Variants in USP34 observed in about 807,000 individuals in gnomAD.
The protein encoded by USP34 is ubiquitin specific peptidase 34.
A neutral mutation model predicts 460.3 loss-of-function variants in USP34; 70 were observed. The observed-to-expected ratio is 0.15, with a 90% CI of 0.13 to 0.19. The LOEUF (loss-of-function observed/expected upper bound fraction) is 0.19, where lower values mean the gene tolerates loss of function less well. USP34 is among the 10% of genes least tolerant of loss of function. The pLI, the probability that USP34 is intolerant of heterozygous loss-of-function variation, is 1.00. For missense variants in USP34, 3,985 were observed against 4,236.2 expected (o/e 0.94, Z 1.65); for synonymous variants, 1,647 against 1,405.3 (o/e 1.17, Z -3.85).
intron 39 of USP34, among the ~76,000 whole-genome samples, chr2:61,279,632 A>C (rs1261732472): frequency 6.6e-6 from 1 of 151,978 alleles, no homozygotes; most frequent in African/African-American, 2.4e-5. Flanking sequence ...TGCCCAGCTA[A>C]TTTTTGCATT....
chr2:61,198,447 T>G (rs1189227017), intron 75 of USP34, among the ~76,000 whole-genome samples: 1 of 152,178 alleles, frequency 6.6e-6, no homozygotes, highest in African/African-American at 2.4e-5. Flanking sequence ...CTCTGTATAT[T>G]GGGAGGCCAA....
rs1317037370 is a variant in USP34 at position 61,470,797 on chromosome 2, G to C, written c.-105C>G. ...CGGAGGAGGGGGCCGGCCGGCCGGC[G>C]GGGCGGGGAGGCGACTAGGGCGGGC... On this transcript the variant is annotated 5_prime_UTR_variant, in exon 1 of 80. Coordinates refer to ENST00000398571, the MANE Select transcript of USP34 (RefSeq NM_014709.4). 1.2e-4 allele frequency: 105 copies of C among 899,376 alleles called. No homozygotes were observed. The highest frequency in any genetic ancestry group is 1.7e-4 in the Non-Finnish European group (99 of 593,284). The allele number at this position is 899,376 out of a possible 1,614,324, so 55.7% of individuals were successfully genotyped here.
intron 19 of USP34, among the ~76,000 whole-genome samples, chr2:61,332,276 TATAC>T (rs1411075925): frequency 6.6e-6 from 1 of 152,054 alleles, no homozygotes; most frequent in Non-Finnish European, 1.5e-5. Flanking sequence ...TAAGTGCTGC[TATAC>T]ATACTAGACT....
chr2:61,396,581 T>C (rs1052051544), intron 3 of USP34, among the ~76,000 whole-genome samples: 7 of 151,772 alleles, frequency 4.6e-5, no homozygotes, highest in Non-Finnish European at 8.8e-5. Flanking sequence ...CTCTGCCTCC[T>C]GGGTTCACGC....
intron 1 of USP34, among the ~76,000 whole-genome samples, chr2:61,434,837 C>G (rs960223438): frequency 6.6e-6 from 1 of 151,904 alleles, no homozygotes; most frequent in Non-Finnish European, 1.5e-5. Context: ...AACATGACAT[C>G]TTCAAAGGCA....
At chr2:61,246,888 T>C (rs1213224124) in intron 49 of USP34, among the ~76,000 whole-genome samples, 9 of 152,168 alleles carry the variant, frequency 5.9e-5, no homozygotes, top group Admixed American at 5.2e-4. Context: ...TTCTATTTAA[T>C]CTTTACTAGG....
chr2:61,319,116 A>G, intron 22 of USP34, 57 bp downstream of exon 22: 1 of 1,492,550 alleles, frequency 6.7e-7, no homozygotes, highest in Non-Finnish European at 8.9e-7. Context: ...TTCGTATTTC[A>G]AGAGATGAAA....
intron 67 of USP34, among the ~76,000 whole-genome samples, chr2:61,218,334 A>T (rs989801330): frequency 2.5e-4 from 38 of 151,152 alleles, no homozygotes; most frequent in Non-Finnish European, 4.3e-4. Flanking sequence ...AAAAAAAAAA[A>T]AGGCCCATGG....
At chr2:61,277,025 C>T (rs566367131) in intron 41 of USP34, among the ~76,000 whole-genome samples, 3 of 152,268 alleles carry the variant, frequency 2.0e-5, no homozygotes, top group African/African-American at 7.2e-5. Flanking sequence ...AATCAAGAGA[C>T]AATCAAAATG....
chr2:61,378,065 C>T (rs528640479), intron 8 of USP34, among the ~76,000 whole-genome samples: 5 of 152,186 alleles, frequency 3.3e-5, no homozygotes, highest in Non-Finnish European at 5.9e-5. Flanking sequence ...CCCAGCTATC[C>T]GGGAGGCTGA....
At chr2:61,281,881 C>T (rs1159302539) in intron 37 of USP34, among the ~76,000 whole-genome samples, 1 of 152,172 alleles carries the variant, frequency 6.6e-6, no homozygotes, top group Non-Finnish European at 1.5e-5. Flanking sequence ...ACAGAAGCAA[C>T]TTCAATCGGA....
intron 1 of USP34, among the ~76,000 whole-genome samples, chr2:61,438,699 C>T (rs1470367862): frequency 1.3e-5 from 2 of 152,050 alleles, no homozygotes; most frequent in Non-Finnish European, 2.9e-5. Flanking sequence ...TATGACAAAC[C>T]CACAGCTATC....
rs556276783 is a variant in USP34, at chr2:61,288,767, C to T, written c.4659G>A (p.Ala1553=). The T allele has an allele frequency of 4.6e-5, 75 of 1,613,980 alleles. No individual in the cohort carries two copies. The highest frequency in any genetic ancestry group is 5.3e-5 in the Non-Finnish European group (63 of 1,179,958). The part of the protein sequence containing the change: ...YHDVFAWSGI[A]ESHRKRTWPG... ...GCCAGGTTCTTTTCCTATGGCTTTC[C>T]GCTATACCAGACCAGGCAAAGACAT... The change falls in exon 34 of 80, where the codon GCG becomes GCA. Residue 1553 remains alanine, a synonymous_variant. Coordinates refer to ENST00000398571, the MANE Select transcript of USP34 (RefSeq NM_014709.4).
chr2:61,294,881 T>C, intron 32 of USP34, 68 bp downstream of exon 32: 1 of 1,246,188 alleles, frequency 8.0e-7, no homozygotes, highest in Non-Finnish European at 1.1e-6. Flanking sequence ...AGAATTATGG[T>C]ACCCACTTTT....
chr2:61,337,362 T>C (rs911251804), intron 18 of USP34, among the ~76,000 whole-genome samples: 5 of 152,058 alleles, frequency 3.3e-5, no homozygotes, highest in African/African-American at 9.7e-5. Flanking sequence ...TACTGCTATA[T>C]AGTATTTCAA....
intron 2 of USP34, among the ~76,000 whole-genome samples, chr2:61,410,646 C>G (rs1055712102): frequency 6.6e-6 from 1 of 152,172 alleles, no homozygotes; most frequent in East Asian, 1.9e-4. Flanking sequence ...CCAAAACCAG[C>G]TTGATTTTAC....
In USP34 at chr2:61,314,990, A is replaced by T; in HGVS notation, c.3283-16T>A. ...TACCACACAGCTAAGAAAGAAAAAT[A>T]TGGTATCTCTAAATTTTGTTTGTCA... On this transcript the variant is annotated splice_polypyrimidine_tract_variant and intron_variant, in intron 23 of 79. Coordinates refer to ENST00000398571, the MANE Select transcript of USP34 (RefSeq NM_014709.4). 6.3e-7 allele frequency: 1 copy of T among 1,593,394 alleles called. No individual in the cohort carries two copies. Among genetic ancestry groups the T allele is most frequent in the Non-Finnish European group, 8.5e-7 (1 of 1,170,376 alleles).
At chr2:61,450,098 A>C (rs1484245867) in intron 1 of USP34, among the ~76,000 whole-genome samples, 1 of 86,934 alleles carries the variant, frequency 1.2e-5, no homozygotes, top group Non-Finnish European at 2.4e-5. Flanking sequence ...AAAAGTCTTA[A>C]ACAAAAAAAA....
intron 10 of USP34, among the ~76,000 whole-genome samples, chr2:61,358,487 A>G (rs1692174765): frequency 6.6e-6 from 1 of 152,168 alleles, no homozygotes; most frequent in Admixed American, 6.5e-5. Flanking sequence ...TCAACATGAT[A>G]AAGGGTACTT....
Sources: allele counts gnomAD v4.1 joint callset (sites outside exome capture counted in the v4.1 genomes callset), GRCh38; gene constraint gnomAD v4.1.1; transcripts MANE v1.5; gene names NCBI Gene and HGNC (gene_info 2026-07-23, HGNC 2026-07-21).